The following UROS variants were observed in gnomAD, a reference collection of about 807,000 sequenced individuals.
UROS encodes the protein uroporphyrinogen III synthase.
Under a neutral mutation model 33.0 loss-of-function variants are expected in UROS, and 18 were observed. The observed-to-expected ratio is 0.55, with a 90% CI of 0.38 to 0.81. UROS has a LOEUF of 0.81. Ranked by LOEUF, UROS falls within the 30% of genes least tolerant of loss-of-function variation. UROS has a pLI of 0.00. For missense variants in UROS, 293 were observed against 314.9 expected (o/e 0.93, Z 0.53); for synonymous variants, 114 against 121.1 (o/e 0.94, Z 0.38).
chr10:125,796,725 G>A (rs55753910), intron 7 of UROS: 10,867 of 924,490 alleles, frequency 0.012, 78 homozygotes, highest in Middle Eastern at 0.017. Flanking sequence ...GCCATTCAGC[G>A]ACTCTGAATA....
rs574395716 is a variant in UROS, at chr10:125,806,835, C to T, written c.394+578G>A. ...GAGGTGGGGCTGCCCTACAAGTAGA[C>T]GGTCAGCCTTCCCATCCCTCTTGCT... On this transcript the variant is annotated intron_variant, in intron 6 of 9. Transcript: ENST00000368797. Among the ~76,000 whole-genome samples the T allele has an allele frequency of 1.5e-4, 23 of 152,290 alleles. No individual in the cohort carries two copies. The South Asian group carries it at 3.1e-3, about 21-fold the overall frequency.
rs376204905 is a variant in UROS at position 125,809,145 on chromosome 10, G to A, written c.320-1658C>T. 3.3e-4 allele frequency among the ~76,000 whole-genome samples: 50 copies of A among 152,372 alleles called. No homozygotes were observed. In the South Asian group the frequency reaches 9.9e-3, roughly 30 times the overall value. ...TCTGGTAGAGAAGAGATTTCACCATGTTGCCCAGGCTGGTACAGTCTTTCT... is the reference window on the plus strand; with the variant it reads ...TCTGGTAGAGAAGAGATTTCACCATATTGCCCAGGCTGGTACAGTCTTTCT... On this transcript the variant is annotated intron_variant, in intron 5 of 9. Coordinates refer to ENST00000368797, the MANE Select transcript of UROS (RefSeq NM_000375.3).
At chr10:125,810,333 G>A (rs1852694410) in intron 5 of UROS, among the ~76,000 whole-genome samples, 1 of 152,212 alleles carries the variant, frequency 6.6e-6, no homozygotes. Flanking sequence ...TGCGACAGGG[G>A]ACGCCAGCTG....
At chr10:125,807,181 A>G in intron 6 of UROS, 1 of 562,604 alleles carries the variant, frequency 1.8e-6, no homozygotes, top group Non-Finnish European at 3.2e-6. Flanking sequence ...ATTTTGTGTT[A>G]TGTTCAAGTC....
intron 6 of UROS, chr10:125,803,117 G>GC: frequency 6.4e-7 from 1 of 1,572,114 alleles, no homozygotes; most frequent in Non-Finnish European, 8.7e-7. Context: ...TTTGGAGTCA[G>GC]CCAGTCCTAG....
rs776171817 is a variant in UROS, at chr10:125,816,474, G to T, written c.26C>A (p.Ala9Glu). The change falls in exon 2 of 10, where the codon GCG becomes GAG. Residue 9 changes from alanine (A) to glutamate (E), a missense_variant. Ala to Glu is a moderately radical substitution (Grantham distance 107, BLOSUM62 -1). Transcript: ENST00000368797. ...ATCCTGGCCACAGTCATCTTCCTTC[G>T]CATCCTTCAGTAAAAGAACCTTCAT... MKVLLLKDAKEDDCGQDPY... is the reference protein window; with the variant it reads MKVLLLKDEKEDDCGQDPY... 2.5e-6 allele frequency: 4 copies of T among 1,614,056 alleles called. No individual in the cohort carries two copies. Among genetic ancestry groups the T allele is most frequent in the Non-Finnish European group, 3.4e-6 (4 of 1,180,018 alleles).
chr10:125,790,958 G>C (rs1223159179), intron 9 of UROS, among the ~76,000 whole-genome samples: 1 of 149,446 alleles, frequency 6.7e-6, no homozygotes, highest in African/African-American at 2.5e-5. Context: ...CAGGCATGGT[G>C]GCGTGCACCT....
At position 125,816,538 on chromosome 10, in the gene UROS, AAGGAAAC is replaced by A; in HGVS notation, c.-26-20_-26-14del. On this transcript the variant is annotated splice_polypyrimidine_tract_variant and intron_variant, in intron 1 of 9. Transcript: ENST00000368797. The stretch of plus-strand genomic sequence containing the variant: ...TCCTTATAGGGCACTGCGACAGAGC[AAGGAAAC>A]AGATCTTAATTAGATCTCAAAGACT... The A allele has an allele frequency of 1.1e-5, 17 of 1,613,704 alleles. No homozygotes were observed. The highest frequency in any genetic ancestry group is 1.4e-5 in the Non-Finnish European group (17 of 1,179,634).
chr10:125,789,531 G>A (rs1261201387), intron 9 of UROS: 5 of 228,810 alleles, frequency 2.2e-5, no homozygotes, highest in Non-Finnish European at 3.9e-5. Flanking sequence ...CTCCTCATCT[G>A]TCAAACCGAA....
At chr10:125,812,425 A>C in intron 4 of UROS, 137 bp from the exon 5 acceptor site, 7 of 757,988 alleles carry the variant, frequency 9.2e-6, no homozygotes, top group Non-Finnish European at 1.5e-5. Context: ...ACAGCATCTC[A>C]AACTAAAATT....
chr10:125,797,329 A>G (rs552297779), intron 7 of UROS, among the ~76,000 whole-genome samples: 3 of 152,318 alleles, frequency 2.0e-5, no homozygotes, highest in South Asian at 2.1e-4. Flanking sequence ...GAACACCTCT[A>G]TGAGGCAGGT....
chr10:125,810,122 T>C (rs1852676397), intron 5 of UROS, among the ~76,000 whole-genome samples: 1 of 152,200 alleles, frequency 6.6e-6, no homozygotes, highest in Non-Finnish European at 1.5e-5. Context: ...ACTAGAGGGC[T>C]TGTGGGCAGT....
intron 9 of UROS, among the ~76,000 whole-genome samples, chr10:125,791,042 C>T (rs562146554): frequency 3.4e-4 from 50 of 147,928 alleles, no homozygotes; most frequent in Non-Finnish European, 6.4e-4. Context: ...CAGTGAGCCA[C>T]AATTGTGTCA....
Position 125,790,097 on chromosome 10 carries a change from C to T in UROS, c.661-1092G>A, listed in dbSNP as rs143850552. Among the ~76,000 whole-genome samples the T allele has an allele frequency of 5.0e-3, 758 of 152,252 alleles. 31 individuals are homozygous for T. The highest frequency in any genetic ancestry group is 0.045 in the Admixed American group (693 of 15,294). On this transcript the variant is annotated intron_variant, in intron 9 of 9. Coordinates refer to ENST00000368797, the MANE Select transcript of UROS (RefSeq NM_000375.3). The stretch of plus-strand genomic sequence containing the variant: ...TACCTCTGCATAACCTCGGATGCTG[C>T]GGGACTGAGGCTCCTTCCTCCGGCT...
At chr10:125,821,163 G>A (rs1245733844) in intron 1 of UROS, among the ~76,000 whole-genome samples, 2 of 152,090 alleles carry the variant, frequency 1.3e-5, no homozygotes, top group African/African-American at 4.8e-5. Flanking sequence ...TTGAAAGCAG[G>A]GACTCGAACA....
intron 6 of UROS, chr10:125,802,399 T>TA: frequency 1.0e-6 from 1 of 985,876 alleles, no homozygotes; most frequent in Non-Finnish European, 1.2e-6. Context: ...AGGCTGCTGT[T>TA]AAAGAAAATG....
intron 9 of UROS, 48 bp from the exon 10 acceptor site, chr10:125,789,053 T>G: frequency 6.2e-7 from 1 of 1,608,176 alleles, no homozygotes; most frequent in South Asian, 1.1e-5. Context: ...CAGGAGGGGC[T>G]GGGGCAGCAG....
chr10:125,786,753 G>A (rs925896629), downstream of UROS, among the ~76,000 whole-genome samples: 14 of 152,172 alleles, frequency 9.2e-5, no homozygotes, highest in African/African-American at 2.9e-4. Flanking sequence ...CTGCAGTCCC[G>A]TGGGAGGGTG....
chr10:125,811,115 T>A (rs542053127), intron 5 of UROS, among the ~76,000 whole-genome samples: 2 of 152,214 alleles, frequency 1.3e-5, no homozygotes, highest in African/African-American at 2.4e-5. Context: ...TTTTTCTCAT[T>A]TTCTTCTCAT....
Sources: allele counts gnomAD v4.1 joint callset (sites outside exome capture counted in the v4.1 genomes callset), GRCh38; gene constraint gnomAD v4.1.1; transcripts MANE v1.5; gene names NCBI Gene and HGNC (gene_info 2026-07-23, HGNC 2026-07-21).